TSHZ2: variants seen among roughly 807,000 people sequenced by gnomAD.
The protein encoded by TSHZ2 is teashirt zinc finger homeobox 2.
A neutral mutation model predicts 74.4 loss-of-function variants in TSHZ2; 21 were observed. The observed-to-expected ratio is 0.28, with a 90% CI of 0.20 to 0.41. The LOEUF (loss-of-function observed/expected upper bound fraction) is 0.41, where lower values mean the gene tolerates loss of function less well. Ranked by LOEUF, TSHZ2 falls within the 10% of genes least tolerant of loss-of-function variation. The pLI is 1.00. For missense variants in TSHZ2, 1,244 were observed against 1,293.5 expected (o/e 0.96, Z 0.59); for synonymous variants, 540 against 515.3 (o/e 1.05, Z -0.65).
At chr20:53,051,988 A>C in intron 1 of TSHZ2, among the ~76,000 whole-genome samples, 1 of 70,066 alleles carries the variant, frequency 1.4e-5, no homozygotes, top group East Asian at 2.7e-3. Context: ...ATTAAGATAC[A>C]CATAACATTG....
chr20:53,137,517 G>A (rs1220516841), intron 1 of TSHZ2, among the ~76,000 whole-genome samples: 6 of 152,036 alleles, frequency 3.9e-5, no homozygotes, highest in East Asian at 3.9e-4. Context: ...AAGGAGCCAC[G>A]TCTAGCCCAT....
At chr20:53,059,932 G>A (rs907863280) in intron 1 of TSHZ2, among the ~76,000 whole-genome samples, 1 of 152,186 alleles carries the variant, frequency 6.6e-6, no homozygotes, top group Non-Finnish European at 1.5e-5. Flanking sequence ...GACATTTGCA[G>A]ATGTAGCATT....
At chr20:53,089,638 A>T (rs1442515521) in intron 1 of TSHZ2, among the ~76,000 whole-genome samples, 2 of 152,212 alleles carry the variant, frequency 1.3e-5, no homozygotes, top group African/African-American at 4.8e-5. Flanking sequence ...GATTTTTCAC[A>T]CAGTAATAAT....
intron 1 of TSHZ2, among the ~76,000 whole-genome samples, chr20:53,238,524 AAAAAC>A (rs558044254): frequency 1.1e-4 from 16 of 152,298 alleles, no homozygotes; most frequent in African/African-American, 2.4e-4. Context: ...ATAGTAAAGC[AAAAAC>A]AAAACAAAAC....
intron 2 of TSHZ2, among the ~76,000 whole-genome samples, chr20:53,311,353 C>A (rs1978777064): frequency 6.6e-6 from 1 of 152,206 alleles, no homozygotes. Flanking sequence ...GCATTCAAAC[C>A]ATCCTGCCTC....
chr20:53,124,422 A>G (rs574577358), intron 1 of TSHZ2, among the ~76,000 whole-genome samples: 33 of 152,378 alleles, frequency 2.2e-4, no homozygotes, highest in East Asian at 1.7e-3. Context: ...GTCACTGATC[A>G]GTGACTGGTT....
chr20:53,239,129 A>G (rs1164827014), intron 1 of TSHZ2, among the ~76,000 whole-genome samples: 1 of 152,200 alleles, frequency 6.6e-6, no homozygotes, highest in African/African-American at 2.4e-5. Context: ...GTTTAGCAGC[A>G]TCCTGGGTCT....
intron 2 of TSHZ2, among the ~76,000 whole-genome samples, chr20:53,415,249 T>C (rs1000465207): frequency 6.6e-6 from 1 of 152,232 alleles, no homozygotes; most frequent in Middle Eastern, 3.2e-3. Context: ...AAATGCCAGG[T>C]TGGCTATTGT....
intron 2 of TSHZ2, among the ~76,000 whole-genome samples, chr20:53,300,140 C>T (rs1318371392): frequency 1.3e-5 from 2 of 152,136 alleles, no homozygotes; most frequent in Non-Finnish European, 2.9e-5. Context: ...CCCAGCAAAC[C>T]CTCACTACCT....
In TSHZ2 at chr20:53,323,829, C is replaced by T. The variant is rs143932581; in HGVS notation, c.*8+67258C>T. On this transcript the variant is annotated intron_variant, in intron 2 of 2. Coordinates refer to ENST00000371497, the MANE Select transcript of TSHZ2 (RefSeq NM_173485.6). ...CTAACCTTAGGTGATCCACCCGCCC[C>T]GGCCTCCCAAAGTGCTGGGATTATA... 4.7e-3 allele frequency among the ~76,000 whole-genome samples: 708 copies of T among 152,150 alleles called. 1 individual carries two copies. The highest frequency in any genetic ancestry group is 7.7e-3 in the Non-Finnish European group (522 of 67,970).
rs1340041917 is a variant in TSHZ2 at position 53,254,667 on chromosome 20, T to C, written c.1209T>C (p.Gly403=). 1 of 1,614,150 alleles carries C rather than the reference T, an allele frequency of 6.2e-7. No individual in the cohort carries two copies. Among genetic ancestry groups the C allele is most frequent in the South Asian group, 1.1e-5 (1 of 91,080 alleles). The change falls in exon 2 of 3, where the codon GGT becomes GGC. Residue 403 remains glycine (G), a synonymous_variant. Coordinates refer to ENST00000371497, the MANE Select transcript of TSHZ2 (RefSeq NM_173485.6). ...QQLTTHMMVT[G]HFLKVTSSAS... ...TCACCACCCACATGATGGTCACAGG[T>C]CACTTTCTCAAGGTCACCAGCTCTG...
chr20:52,991,421 G>A (rs1981987000), intron 1 of TSHZ2, among the ~76,000 whole-genome samples: 1 of 146,862 alleles, frequency 6.8e-6, no homozygotes, highest in South Asian at 2.3e-4. Context: ...GAGAGAGTGT[G>A]AAAGCTTTTC....
rs1313084084 is a variant in TSHZ2 at position 53,446,594 on chromosome 20, AAGAG to A, written c.*9-40544_*9-40541del. ...ACTCTGTCGCAAAAAAAAAAAAAAA[AAGAG>A]AGAGAAGGAAAAACAAGGTCAGCTT... is the stretch of plus-strand genomic sequence containing the variant. On this transcript the variant is annotated intron_variant, in intron 2 of 2. Transcript: ENST00000371497. Among the ~76,000 whole-genome samples the A allele has an allele frequency of 3.6e-3, 543 of 150,238 alleles. 2 individuals carry two copies. The highest frequency in any genetic ancestry group is 0.033 in the South Asian group (156 of 4,664).
At chr20:53,304,054 T>A (rs1978417418) in intron 2 of TSHZ2, among the ~76,000 whole-genome samples, 1 of 151,922 alleles carries the variant, frequency 6.6e-6, no homozygotes, top group Non-Finnish European at 1.5e-5. Context: ...TTATTATTAT[T>A]ATACTTTAAG....
chr20:53,391,271 C>T (rs545746073), intron 2 of TSHZ2, among the ~76,000 whole-genome samples: 51 of 152,166 alleles, frequency 3.4e-4, no homozygotes, highest in African/African-American at 1.2e-3. Context: ...CTCAGCCTCC[C>T]GAGTAGCTGG....
At chr20:53,150,098 G>C (rs932735010) in intron 1 of TSHZ2, among the ~76,000 whole-genome samples, 1 of 152,196 alleles carries the variant, frequency 6.6e-6, no homozygotes, top group Non-Finnish European at 1.5e-5. Flanking sequence ...AATCTTCATA[G>C]CAATCCTATG....
intron 2 of TSHZ2, among the ~76,000 whole-genome samples, chr20:53,382,470 A>G (rs1243775025): frequency 6.6e-6 from 1 of 152,218 alleles, no homozygotes; most frequent in East Asian, 1.9e-4. Context: ...AGGGGGAAGA[A>G]ATCAATGAAG....
At chr20:53,200,361 C>A (rs2123571357) in intron 1 of TSHZ2, among the ~76,000 whole-genome samples, 1 of 152,198 alleles carries the variant, frequency 6.6e-6, no homozygotes, top group African/African-American at 2.4e-5. Context: ...CCAGGAAACA[C>A]CAAGGATGCC....
At chr20:53,420,084 G>A (rs544519300) in intron 2 of TSHZ2, among the ~76,000 whole-genome samples, 19 of 152,362 alleles carry the variant, frequency 1.2e-4, no homozygotes. Context: ...GAAGTCTACA[G>A]ATGGACGTAA....
Sources: allele counts gnomAD v4.1 joint callset (sites outside exome capture counted in the v4.1 genomes callset), GRCh38; gene constraint gnomAD v4.1.1; transcripts MANE v1.5; gene names NCBI Gene and HGNC (gene_info 2026-07-23, HGNC 2026-07-21).